STARD13: variants seen among roughly 807,000 people sequenced by gnomAD.
STARD13 encodes stAR-related lipid transfer protein 13.
STARD13 carries 62 observed loss-of-function variants against 106.4 expected under a neutral mutation model. The observed-to-expected ratio is 0.58, with a 90% confidence interval of 0.48 to 0.72. The LOEUF (loss-of-function observed/expected upper bound fraction) is 0.72. Among genes scored for constraint, STARD13 ranks in the 30% least tolerant of loss-of-function variants. STARD13 has a pLI of 0.00. For synonymous variants in STARD13, 565 were observed against 553.0 expected, an observed-to-expected ratio of 1.02 and a Z score of -0.31; for missense variants, 1,387 against 1,424.0, an observed-to-expected ratio of 0.97 and a Z score of 0.42.
intron 1 of STARD13, among the ~76,000 whole-genome samples, chr13:33,335,994 A>ATTCATTCATTC (rs75603107): frequency 6.3e-4 from 33 of 52,708 alleles, no homozygotes; most frequent in South Asian, 1.8e-3. Flanking sequence ...TTCATTCATT[A>ATTCATTCATTC]ATTCATTCAC....
chr13:33,424,335 T>C, the STARD13 span, among the ~76,000 whole-genome samples: 2 of 152,150 alleles, frequency 1.3e-5, no homozygotes, highest in Admixed American at 6.6e-5. Flanking sequence ...GAGGTGGAAT[T>C]TGGGCTGGTC....
chr13:33,295,261 A>G lies in STARD13; in HGVS notation c.124+55029T>C, dbSNP rs192083371. 1.2e-3 allele frequency among the ~76,000 whole-genome samples: 184 copies of G among 152,320 alleles called. 2 individuals carry two copies. Among genetic ancestry groups the G allele is most frequent in the African/African-American group, 4.3e-3 (177 of 41,568 alleles). On this transcript the variant is annotated intron_variant, in intron 1 of 5. Coordinates refer to the STARD13 transcript ENST00000567873. Reference sequence around the variant, plus strand: ...AGTAGCAACATTTTAAAAATCCTGTAAAGAGAAGAGCACTACAAATTTGAG... The same window carrying G: ...AGTAGCAACATTTTAAAAATCCTGTGAAGAGAAGAGCACTACAAATTTGAG...
At chr13:33,140,903 C>T (rs553453762) in intron 4 of STARD13, among the ~76,000 whole-genome samples, 29 of 152,066 alleles carry the variant, frequency 1.9e-4, no homozygotes, top group African/African-American at 5.1e-4. Context: ...GGACTACAGG[C>T]GTGTGCCACC....
the STARD13 span, among the ~76,000 whole-genome samples, chr13:33,471,325 C>G: frequency 1.3e-5 from 2 of 152,206 alleles, no homozygotes; most frequent in Non-Finnish European, 2.9e-5. Context: ...CTGGAAAGGT[C>G]TTTCTGCATA....
At chr13:33,206,165 GGAAA>G in intron 1 of STARD13, 1 of 243,510 alleles carries the variant, frequency 4.1e-6, no homozygotes, top group Non-Finnish European at 6.6e-6. Flanking sequence ...ACATACCAGA[GGAAA>G]CGCTGCCAGT....
At chr13:33,578,696 T>C in the STARD13 span, among the ~76,000 whole-genome samples, 20 of 151,914 alleles carry the variant, frequency 1.3e-4, no homozygotes, top group Non-Finnish European at 2.6e-4. Flanking sequence ...AAAGAAATAA[T>C]CATCAGAGTA....
At chr13:33,438,985 C>T in the STARD13 span, among the ~76,000 whole-genome samples, 4 of 152,270 alleles carry the variant, frequency 2.6e-5, no homozygotes, top group East Asian at 7.7e-4. Context: ...AATACGCTAT[C>T]TACAAGATAT....
chr13:33,227,981 G>A (rs1367206374), intron 1 of STARD13, among the ~76,000 whole-genome samples: 5 of 152,262 alleles, frequency 3.3e-5, no homozygotes, highest in South Asian at 2.1e-4. Flanking sequence ...ATGTGCGATC[G>A]TAAAACGAAA....
At chr13:33,473,432 G>A in the STARD13 span, among the ~76,000 whole-genome samples, 1 of 152,220 alleles carries the variant, frequency 6.6e-6, no homozygotes, top group African/African-American at 2.4e-5. Flanking sequence ...TTTGGTATAT[G>A]TCTGGTTGCA....
At chr13:33,395,186 A>G in the STARD13 span, among the ~76,000 whole-genome samples, 1 of 152,180 alleles carries the variant, frequency 6.6e-6, no homozygotes, top group Non-Finnish European at 1.5e-5. Context: ...TCTATTTGTC[A>G]GTCATAATAC....
chr13:33,185,352 C>T (rs530823571), intron 1 of STARD13, among the ~76,000 whole-genome samples: 9 of 152,316 alleles, frequency 5.9e-5, no homozygotes, highest in African/African-American at 2.2e-4. Context: ...AATAGCAGGA[C>T]ATCTTATGTT....
Position 33,130,401 on chromosome 13 carries a change from C to A in STARD13, c.388-112G>T. ...CCTCCACCTCCCTCCCCTCTGTCCTCCCATGCACAGGTGTGAGCTTCTTGG... is the reference window on the plus strand; with the variant it reads ...CCTCCACCTCCCTCCCCTCTGTCCTACCATGCACAGGTGTGAGCTTCTTGG... On this transcript the variant is annotated intron_variant, in intron 4 of 13. Coordinates refer to ENST00000336934, the MANE Select transcript of STARD13 (RefSeq NM_178006.4). This position sits in a 1 kb window ranked among gnomAD's most constrained non-coding sequence, Gnocchi z 4.1. 1 of 1,035,130 alleles carries A rather than the reference C, an allele frequency of 9.7e-7. No homozygotes were observed. 64.1% of individuals were successfully genotyped at this position (1,035,130 alleles called of 1,614,324 possible).
At chr13:33,459,129 T>C in the STARD13 span, among the ~76,000 whole-genome samples, 1 of 152,160 alleles carries the variant, frequency 6.6e-6, no homozygotes, top group Admixed American at 6.5e-5. Flanking sequence ...TGCATAGATA[T>C]AGTGTACAAT....
At chr13:33,592,559 A>G in the STARD13 span, among the ~76,000 whole-genome samples, 3 of 152,176 alleles carry the variant, frequency 2.0e-5, no homozygotes, top group Non-Finnish European at 4.4e-5. Flanking sequence ...CTGACCTAAG[A>G]TACAGTCTTA....
the STARD13 span, among the ~76,000 whole-genome samples, chr13:33,619,828 C>T: frequency 2.6e-5 from 4 of 152,060 alleles, no homozygotes; most frequent in African/African-American, 7.2e-5. Flanking sequence ...TTTGGGAGGC[C>T]GAGGTCGGCC....
the STARD13 span, among the ~76,000 whole-genome samples, chr13:33,394,291 T>C: frequency 6.6e-6 from 1 of 152,142 alleles, no homozygotes; most frequent in Non-Finnish European, 1.5e-5. Flanking sequence ...AATTGCACTG[T>C]TCAGTGTGGT....
At chr13:33,173,079 C>T (rs553347164) in intron 1 of STARD13, among the ~76,000 whole-genome samples, 2 of 152,272 alleles carry the variant, frequency 1.3e-5, no homozygotes, top group South Asian at 2.1e-4. Flanking sequence ...TAAAAGACTA[C>T]GGGTACCAGC....
intron 1 of STARD13, among the ~76,000 whole-genome samples, chr13:33,312,825 A>G (rs1893192455): frequency 6.6e-6 from 1 of 152,224 alleles, no homozygotes; most frequent in Non-Finnish European, 1.5e-5. Flanking sequence ...TATTCAGATC[A>G]AAGTAACAAC....
chr13:33,173,042 T>C (rs1346557641), intron 1 of STARD13, among the ~76,000 whole-genome samples: 3 of 152,208 alleles, frequency 2.0e-5, no homozygotes, highest in Non-Finnish European at 4.4e-5. Flanking sequence ...TCCTTTAAAC[T>C]GGCCTATTTG....
Sources: gnomAD v4.1 joint callset for allele counts (sites outside exome capture counted in the v4.1 genomes callset) on GRCh38, gnomAD v4.1.1 for gene constraint, Gnocchi (gnomAD v3.1) non-coding constraint, MANE v1.5 for transcripts, NCBI Gene and HGNC (gene_info 2026-07-23, HGNC 2026-07-21) for gene names.